WLS: variants seen among roughly 807,000 people sequenced by gnomAD.
The protein encoded by WLS is Wnt ligand secretion mediator.
A neutral mutation model predicts 62.8 loss-of-function variants in WLS; 23 were observed. The ratio of observed to expected loss-of-function variants is 0.37; its 90% CI spans 0.26 to 0.52. The LOEUF (loss-of-function observed/expected upper bound fraction) is 0.52. Among genes scored for constraint, WLS ranks in the 20% least tolerant of loss-of-function variants. The pLI, the probability that WLS is intolerant of heterozygous loss-of-function variation, is 0.92. For missense variants in WLS, 615 were observed against 697.3 expected (o/e 0.88, Z 1.33); for synonymous variants, 246 against 244.1 (o/e 1.01, Z -0.07).
At chr1:68,212,302 G>T (rs1649547789) in intron 1 of WLS, among the ~76,000 whole-genome samples, 1 of 152,170 alleles carries the variant, frequency 6.6e-6, no homozygotes, top group African/African-American at 2.4e-5. Context: ...GAATGAATTT[G>T]CCCACAATGT....
chr1:68,183,189 G>T (rs558026773), intron 2 of WLS, among the ~76,000 whole-genome samples: 234 of 152,262 alleles, frequency 1.5e-3, no homozygotes, highest in African/African-American at 5.4e-3. Flanking sequence ...ACTGTGCCCA[G>T]CCAAAATGTT....
chr1:68,180,397 G>A (rs1302439124), intron 2 of WLS, among the ~76,000 whole-genome samples: 1 of 151,956 alleles, frequency 6.6e-6, no homozygotes, highest in East Asian at 1.9e-4. Flanking sequence ...TATGAATAAT[G>A]GGCAAAGCAA....
chr1:68,140,099 A>G (rs1439437272), intron 10 of WLS, among the ~76,000 whole-genome samples: 1 of 152,240 alleles, frequency 6.6e-6, no homozygotes, highest in African/African-American at 2.4e-5. Flanking sequence ...AAATCCTTTT[A>G]CATGAAACAC....
intron 2 of WLS, among the ~76,000 whole-genome samples, chr1:68,173,184 G>A (rs1647180641): frequency 6.6e-6 from 1 of 152,208 alleles, no homozygotes; most frequent in Admixed American, 6.5e-5. Flanking sequence ...CAAAGCTAGA[G>A]AACTCAGAAC....
chr1:68,177,544 GAC>G (rs1283410834), intron 2 of WLS, among the ~76,000 whole-genome samples: 2 of 152,074 alleles, frequency 1.3e-5, no homozygotes, highest in Non-Finnish European at 2.9e-5. Context: ...TTTATTTAGA[GAC>G]AGAATCTCAA....
chr1:68,177,251 T>A (rs1234584077), intron 2 of WLS, among the ~76,000 whole-genome samples: 2 of 152,180 alleles, frequency 1.3e-5, no homozygotes, highest in Non-Finnish European at 2.9e-5. Context: ...TTCATAAACC[T>A]CTGAATTCCA....
intron 11 of WLS, among the ~76,000 whole-genome samples, chr1:68,114,099 C>T (rs1646260689): frequency 6.6e-6 from 1 of 152,198 alleles, no homozygotes; most frequent in Non-Finnish European, 1.5e-5. Flanking sequence ...ACTTTCTTGG[C>T]TTCAATGACT....
At chr1:68,193,223 C>T (rs1648438677) in intron 2 of WLS, among the ~76,000 whole-genome samples, 1 of 151,522 alleles carries the variant, frequency 6.6e-6, no homozygotes, top group South Asian at 2.1e-4. Context: ...CATCCTTGAT[C>T]CCATCTCAGT....
At position 68,163,404 on chromosome 1, in the gene WLS, C is replaced by CGGCGGT. The variant is rs879405716; in HGVS notation, c.380-4163_380-4158dup. Among the ~76,000 whole-genome samples the CGGCGGT allele has an allele frequency of 4.2e-3, 646 of 152,024 alleles. 2 individuals are homozygous for CGGCGGT. Among genetic ancestry groups the CGGCGGT allele is most frequent in the Non-Finnish European group, 6.8e-3 (460 of 67,948 alleles). Reference sequence around the variant, plus strand: ...CTCCCGCCCCTCCCACCCCACCCTGCGGCGGTGGCGGTGGCGGTGGCTGCA... The same window carrying CGGCGGT: ...CTCCCGCCCCTCCCACCCCACCCTGCGGCGGTGGCGGTGGCGGTGGCGGTGGCTGCA... On this transcript the variant is annotated intron_variant, in intron 2 of 11. Coordinates refer to ENST00000262348, the MANE Select transcript of WLS (RefSeq NM_024911.7).
rs532276194 is a variant in WLS at position 68,179,338 on chromosome 1, C to T, written c.379+14617G>A. ...AGGGGTCGTCTAGTATAATTTCCCA[C>T]TCAGAACAGGAAGCACTCCATAGCC... On this transcript the variant is annotated intron_variant, in intron 2 of 11. Transcript: ENST00000262348. Among the ~76,000 whole-genome samples, 14 of 152,270 alleles carry T rather than the reference C, an allele frequency of 9.2e-5. 1 individual carries two copies. In the South Asian group the frequency reaches 2.7e-3, roughly 29 times the overall value.
At chr1:68,138,803 A>C (rs1445328890) in intron 10 of WLS, among the ~76,000 whole-genome samples, 1 of 152,230 alleles carries the variant, frequency 6.6e-6, no homozygotes, top group African/African-American at 2.4e-5. Context: ...GGACACTTAA[A>C]ATGGAAATAG....
intron 7 of WLS, 83 bp downstream of exon 7, chr1:68,148,480 C>CT: frequency 6.9e-7 from 1 of 1,443,058 alleles, no homozygotes; most frequent in Non-Finnish European, 9.6e-7. Context: ...CACCATTCTC[C>CT]TTTTCAAACA....
At chr1:68,167,647 C>T (rs959853511) in intron 2 of WLS, among the ~76,000 whole-genome samples, 2 of 152,152 alleles carry the variant, frequency 1.3e-5, no homozygotes, top group African/African-American at 4.8e-5. Context: ...CAGCATAGGG[C>T]ATTTATAGAT....
chr1:68,153,711 C>G, intron 4 of WLS, 58 bp from the exon 5 acceptor site: 1 of 1,606,012 alleles, frequency 6.2e-7, no homozygotes. Flanking sequence ...TTTCCTTCTA[C>G]TAGCAAATGC....
At chr1:68,167,596 A>G (rs1295557591) in intron 2 of WLS, among the ~76,000 whole-genome samples, 2 of 152,140 alleles carry the variant, frequency 1.3e-5, no homozygotes, top group Non-Finnish European at 2.9e-5. Flanking sequence ...AAACAAGGAC[A>G]CTGGTTATAT....
rs1480988527 is a variant in WLS at position 68,155,269 on chromosome 1, A to G, written c.505-9T>C. On this transcript the variant is annotated splice_polypyrimidine_tract_variant and intron_variant, in intron 3 of 11. Transcript: ENST00000262348. The stretch of plus-strand genomic sequence containing the variant: ...CCCTCATGCTCTGGAGTCTGGAAAA[A>G]GAGCAGAGGGTTTGAGGCAGGGTCA... The G allele has an allele frequency of 1.9e-6, 3 of 1,607,494 alleles. No individual in the cohort carries two copies. The Admixed American group carries it at 5.1e-5, about 27-fold the overall frequency.
At chr1:68,129,643 G>A (rs986946158) in intron 11 of WLS, among the ~76,000 whole-genome samples, 21 of 152,190 alleles carry the variant, frequency 1.4e-4, no homozygotes, top group Non-Finnish European at 2.9e-5. Flanking sequence ...CCCCCTTGGG[G>A]AATGGGTGTG....
chr1:68,167,363 T>C (rs1423166424), intron 2 of WLS, among the ~76,000 whole-genome samples: 3 of 152,166 alleles, frequency 2.0e-5, no homozygotes, highest in Non-Finnish European at 4.4e-5. Context: ...TTACCTGAAT[T>C]GTTTTCTCTT....
intron 11 of WLS, among the ~76,000 whole-genome samples, chr1:68,118,542 T>TA (rs1384865989): frequency 3.3e-5 from 5 of 152,080 alleles, no homozygotes; most frequent in Non-Finnish European, 7.4e-5. Flanking sequence ...TTCACAATGA[T>TA]AGGGATATTG....
Sources: allele counts gnomAD v4.1 joint callset (sites outside exome capture counted in the v4.1 genomes callset), GRCh38; gene constraint gnomAD v4.1.1; transcripts MANE v1.5; gene names NCBI Gene and HGNC (gene_info 2026-07-23, HGNC 2026-07-21).